The following PPP4R3A variants were observed in gnomAD, a reference collection of about 807,000 sequenced individuals.
PPP4R3A encodes protein phosphatase 4 regulatory subunit 3A, also known as serine/threonine-protein phosphatase 4 regulatory subunit 3A.
In PPP4R3A, 15 loss-of-function variants were observed where a neutral mutation model predicts 91.7. That is an observed-to-expected ratio of 0.16 (90% CI 0.11 to 0.25). The LOEUF (loss-of-function observed/expected upper bound fraction) is 0.25, where lower values mean the gene tolerates loss of function less well. PPP4R3A is among the 10% of genes least tolerant of loss of function. The pLI, the probability that PPP4R3A is intolerant of heterozygous loss-of-function variation, is 1.00. For synonymous variants in PPP4R3A, 377 were observed against 348.7 expected (o/e 1.08, Z -0.91); for missense variants, 623 against 998.4 (o/e 0.62, Z 5.07).
intron 14 of PPP4R3A, 86 bp downstream of exon 14, chr14:91,461,295 G>A (rs1218899084): frequency 1.8e-5 from 22 of 1,254,948 alleles, no homozygotes; most frequent in Non-Finnish European, 2.4e-5. Context: ...CTAGGTGGCA[G>A]TAACCAAAGG....
intron 2 of PPP4R3A, among the ~76,000 whole-genome samples, chr14:91,488,808 G>A (rs567682591): frequency 4.9e-4 from 74 of 152,032 alleles, no homozygotes; most frequent in Admixed American, 4.3e-3. Flanking sequence ...GGCAGGTAAT[G>A]CTTAGAAAGT....
At chr14:91,485,861 T>G (rs1484218808) in intron 2 of PPP4R3A, 131 bp from the exon 3 acceptor site, 1 of 513,732 alleles carries the variant, frequency 1.9e-6, no homozygotes, top group Non-Finnish European at 3.4e-6. Context: ...ATCAATGTCT[T>G]TCTTTTTCAA....
chr14:91,493,076 C>A (rs1254156207), intron 1 of PPP4R3A, among the ~76,000 whole-genome samples: 1 of 151,822 alleles, frequency 6.6e-6, no homozygotes, highest in Non-Finnish European at 1.5e-5. Flanking sequence ...CATAAAATAA[C>A]AATAAAATAA....
chr14:91,476,760 T>A, intron 5 of PPP4R3A, 149 bp downstream of exon 5: 2 of 697,354 alleles, frequency 2.9e-6, no homozygotes, highest in Non-Finnish European at 4.7e-6. Context: ...AGAGATGGGG[T>A]TTCGCCATGT....
In PPP4R3A at chr14:91,502,640, T is replaced by C. The variant is rs1036604177; in HGVS notation, c.142+6866A>G. Among the ~76,000 whole-genome samples, 3 of 152,268 alleles carry C rather than the reference T, an allele frequency of 2.0e-5. No individual in the cohort carries two copies. The East Asian group carries it at 5.8e-4, about 29-fold the overall frequency. ...GGGATAGAGGCAGACCCACCTACAATGAACATGGAGTTCTATCAAGAGGCA... is the reference window on the plus strand; with the variant it reads ...GGGATAGAGGCAGACCCACCTACAACGAACATGGAGTTCTATCAAGAGGCA... On this transcript the variant is annotated intron_variant, in intron 1 of 14. Transcript: ENST00000554943.
rs1340188199 is a variant in PPP4R3A, at chr14:91,485,695, A to G, written c.234T>C (p.Tyr78=). ...TTTCTTGAAAGCTAAGGGCCAAGTCATAATTTTCTGCTTCAGACCACACAA... is the reference window on the plus strand; with the variant it reads ...TTTCTTGAAAGCTAAGGGCCAAGTCGTAATTTTCTGCTTCAGACCACACAA... The part of the protein sequence containing the change: ...TLIVWSEAEN[Y]DLALSFQEKA... Residue 78 remains tyrosine, a synonymous_variant, in exon 3 of 15, where the codon TAT becomes TAC. Transcript: ENST00000554943. The G allele has an allele frequency of 6.2e-6, 10 of 1,607,164 alleles. No individual in the cohort carries two copies. The Admixed American group carries it at 6.7e-5, about 11-fold the overall frequency.
rs1887886705 is a variant in PPP4R3A at position 91,458,208 on chromosome 14, GA to G, written c.*550del. 1 of 152,862 alleles carries G rather than the reference GA, an allele frequency of 6.5e-6. No homozygotes were observed. Among genetic ancestry groups the G allele is most frequent in the African/African-American group, 2.4e-5 (1 of 41,356 alleles). 9.5% of individuals were successfully genotyped at this position (152,862 alleles called of 1,614,324 possible). A position where few individuals can be genotyped will look rare whatever the true frequency, so the allele number is the denominator to read the frequency against. ...TTAAAAAAAAAAATATCTGCAGTTT[GA>G]AGGGCAAAGGGAACAGTTAAAAAAG... On this transcript the variant is annotated 3_prime_UTR_variant, in exon 15 of 15. Transcript: ENST00000554943.
chr14:91,461,243 T>G, intron 14 of PPP4R3A, 138 bp downstream of exon 14: 2 of 729,610 alleles, frequency 2.7e-6, no homozygotes, highest in Non-Finnish European at 2.3e-6. Context: ...GTTCAAGCGG[T>G]GGGGGGGACT....
intron 14 of PPP4R3A, among the ~76,000 whole-genome samples, chr14:91,460,638 T>A (rs1274272699): frequency 2.9e-4 from 11 of 37,934 alleles, no homozygotes; most frequent in Admixed American, 2.5e-3. Flanking sequence ...ATTTTGTTCC[T>A]TTTTTTTTTT....
At chr14:91,482,281 T>G in intron 3 of PPP4R3A, 88 bp from the exon 4 acceptor site, 3 of 1,375,858 alleles carry the variant, frequency 2.2e-6, no homozygotes, top group Middle Eastern at 1.9e-4. Flanking sequence ...CTAGAAATGT[T>G]GTAAGAAACC....
intron 10 of PPP4R3A, among the ~76,000 whole-genome samples, chr14:91,465,834 T>C (rs1431590175): frequency 6.6e-6 from 1 of 152,208 alleles, no homozygotes; most frequent in African/African-American, 2.4e-5. Flanking sequence ...ACTGTATAAT[T>C]TGATCTTCAA....
At chr14:91,485,532 C>CA in intron 3 of PPP4R3A, 100 bp downstream of exon 3, 1 of 799,104 alleles carries the variant, frequency 1.3e-6, no homozygotes, top group Non-Finnish European at 2.0e-6. Context: ...TTTAAAAGAT[C>CA]AATTTGAAAT....
chr14:91,500,716 T>C (rs1373667318), intron 1 of PPP4R3A, among the ~76,000 whole-genome samples: 2 of 152,098 alleles, frequency 1.3e-5, no homozygotes, highest in African/African-American at 4.8e-5. Flanking sequence ...ATAAAAAAAT[T>C]ACTGACTTTT....
chr14:91,461,287 A>C, intron 14 of PPP4R3A, 94 bp downstream of exon 14: 3 of 1,094,652 alleles, frequency 2.7e-6, no homozygotes, highest in Admixed American at 3.8e-5. Flanking sequence ...AATCAGTTCT[A>C]GGTGGCAGTA....
intron 12 of PPP4R3A, 105 bp downstream of exon 12, chr14:91,462,630 T>C: frequency 8.0e-7 from 1 of 1,256,884 alleles, no homozygotes; most frequent in African/African-American, 1.5e-5. Flanking sequence ...TGCTATCTGC[T>C]GATTTCCCTG....
chr14:91,463,357 A>G (rs551945570), intron 11 of PPP4R3A, among the ~76,000 whole-genome samples: 15 of 151,048 alleles, frequency 9.9e-5, no homozygotes, highest in African/African-American at 2.4e-4. Flanking sequence ...GAGCCACTGC[A>G]CCCAGCTATC....
chr14:91,500,315 C>T (rs1890865572), intron 1 of PPP4R3A, among the ~76,000 whole-genome samples: 1 of 152,168 alleles, frequency 6.6e-6, no homozygotes, highest in African/African-American at 2.4e-5. Context: ...ATTCTCCTGA[C>T]TCAGCCTCCA....
chr14:91,472,031 C>T (rs1306430867), intron 9 of PPP4R3A, among the ~76,000 whole-genome samples: 1 of 145,786 alleles, frequency 6.9e-6, no homozygotes, highest in Non-Finnish European at 1.5e-5. Context: ...CGCCACCACA[C>T]TCCAGCCTGG....
chr14:91,504,292 C>T (rs1891144015), intron 1 of PPP4R3A, among the ~76,000 whole-genome samples: 1 of 146,858 alleles, frequency 6.8e-6, no homozygotes, highest in Admixed American at 6.9e-5. Context: ...CCTGCCACTG[C>T]ACTACAGCAT....
Sources: gnomAD v4.1 joint callset for allele counts (sites outside exome capture counted in the v4.1 genomes callset) on GRCh38, gnomAD v4.1.1 for gene constraint, MANE v1.5 for transcripts, NCBI Gene and HGNC (gene_info 2026-07-23, HGNC 2026-07-21) for gene names.